ASIC2: variants seen among roughly 807,000 people sequenced by gnomAD.
ASIC2 encodes the protein acid sensing ion channel subunit 2, also known as acid-sensing ion channel 2.
Under a neutral mutation model 57.3 loss-of-function variants are expected in ASIC2, and 25 were observed. The ratio of observed to expected loss-of-function variants is 0.44; its 90% CI spans 0.32 to 0.61. The LOEUF (loss-of-function observed/expected upper bound fraction) is 0.61. Among genes scored for constraint, ASIC2 ranks in the 20% least tolerant of loss-of-function variants. The pLI, the probability that ASIC2 is intolerant of heterozygous loss-of-function variation, is 0.06. For synonymous variants in ASIC2, 319 were observed against 307.5 expected (o/e 1.04, Z -0.39); for missense variants, 641 against 738.1 (o/e 0.87, Z 1.52).
chr17:33,414,838 G>T (rs941451270), intron 1 of ASIC2, among the ~76,000 whole-genome samples: 10 of 152,252 alleles, frequency 6.6e-5, no homozygotes, highest in South Asian at 2.1e-4. Flanking sequence ...GATCAAACAG[G>T]TTCCAAAAAG....
At position 33,144,908 on chromosome 17, in the gene ASIC2, C is replaced by A. The variant is rs146103426; in HGVS notation, c.709-32841G>T. On this transcript the variant is annotated intron_variant, in intron 1 of 9. Transcript: ENST00000225823. ...AATCCGATCTGAGTCATTGCTCCTT[C>A]ATTTTCATTGGCCTGGAAGCTCCAT... is the stretch of plus-strand genomic sequence containing the variant. Among the ~76,000 whole-genome samples, 1,359 of 152,322 alleles carry A rather than the reference C, an allele frequency of 8.9e-3. 8 individuals carry two copies. Among genetic ancestry groups the A allele is most frequent in the Non-Finnish European group, 0.015 (993 of 68,030 alleles).
intron 1 of ASIC2, among the ~76,000 whole-genome samples, chr17:33,938,833 T>C (rs1453713220): frequency 6.6e-6 from 1 of 152,212 alleles, no homozygotes; most frequent in Non-Finnish European, 1.5e-5. Context: ...TCAGTGACTC[T>C]GGGAGGCTGG....
rs774052941 is a variant in ASIC2 at position 34,135,944 on chromosome 17, G to A, written c.555+20034C>T. Among the ~76,000 whole-genome samples, 42 of 152,082 alleles carry A rather than the reference G, an allele frequency of 2.8e-4. 2 individuals carry two copies. In the Middle Eastern group the frequency reaches 0.01, roughly 37 times the overall value. ...TGCTCAATAGCTCCCTATTGCCTGC[G>A]TCAATCAAAAAACAATTATAAGCAC... is the stretch of plus-strand genomic sequence containing the variant. On this transcript the variant is annotated intron_variant, in intron 1 of 9. Transcript: ENST00000359872.
chr17:33,271,304 AT>A (rs1320600335), intron 1 of ASIC2, among the ~76,000 whole-genome samples: 1 of 152,078 alleles, frequency 6.6e-6, no homozygotes, highest in Admixed American at 6.5e-5. Context: ...CACTTATGCG[AT>A]CCCACCCAGT....
intron 3 of ASIC2, among the ~76,000 whole-genome samples, chr17:33,064,786 G>T (rs2141943470): frequency 6.6e-6 from 1 of 152,334 alleles, no homozygotes; most frequent in South Asian, 2.1e-4. Flanking sequence ...GACTGGAGTT[G>T]TTCCTATTCG....
At chr17:34,040,833 AC>A (rs1367659847) in intron 1 of ASIC2, among the ~76,000 whole-genome samples, 2 of 152,240 alleles carry the variant, frequency 1.3e-5, no homozygotes, top group African/African-American at 4.8e-5. Context: ...AACTACAGTA[AC>A]AAAATATAAT....
intron 1 of ASIC2, among the ~76,000 whole-genome samples, chr17:33,670,176 A>G (rs1016299946): frequency 6.6e-6 from 1 of 152,156 alleles, no homozygotes; most frequent in African/African-American, 2.4e-5. Flanking sequence ...TGTCCAGCAG[A>G]GATTGAAAAC....
At chr17:33,417,126 C>G (rs1403946432) in intron 1 of ASIC2, among the ~76,000 whole-genome samples, 1 of 152,156 alleles carries the variant, frequency 6.6e-6, no homozygotes, top group Non-Finnish European at 1.5e-5. Flanking sequence ...GCAGACAGGC[C>G]TCGAACACAC....
chr17:34,135,656 G>A (rs114631567), intron 1 of ASIC2, among the ~76,000 whole-genome samples: 4,687 of 152,120 alleles, frequency 0.031, 225 homozygotes, highest in African/African-American at 0.11. Flanking sequence ...ACAGGATGAT[G>A]AAGTTTCCCA....
At chr17:33,465,430 T>C (rs1201248120) in intron 1 of ASIC2, among the ~76,000 whole-genome samples, 1 of 143,738 alleles carries the variant, frequency 7.0e-6, no homozygotes, top group Non-Finnish European at 1.5e-5. Context: ...TGGAGTACAG[T>C]GGCATGATCT....
chr17:33,865,765 A>T (rs1190737711), intron 1 of ASIC2, among the ~76,000 whole-genome samples: 1 of 80,008 alleles, frequency 1.2e-5, no homozygotes, highest in African/African-American at 5.0e-5. Flanking sequence ...AAAATAAAAA[A>T]AAAAAACAAA....
At chr17:34,076,501 CCT>C (rs1202056820) in intron 1 of ASIC2, among the ~76,000 whole-genome samples, 3 of 152,288 alleles carry the variant, frequency 2.0e-5, no homozygotes, top group Non-Finnish European at 4.4e-5. Flanking sequence ...TTATGGCCAG[CCT>C]CTCTCTGCTG....
intron 1 of ASIC2, among the ~76,000 whole-genome samples, chr17:33,172,646 T>C (rs1392418850): frequency 6.6e-6 from 1 of 152,184 alleles, no homozygotes; most frequent in Non-Finnish European, 1.5e-5. Context: ...TGCACGGAAC[T>C]TCAGAGTTCA....
chr17:33,311,959 AAGC>A (rs1906443301), intron 1 of ASIC2, among the ~76,000 whole-genome samples: 1 of 152,142 alleles, frequency 6.6e-6, no homozygotes, highest in African/African-American at 2.4e-5. Flanking sequence ...TGAAATACTA[AAGC>A]AGTCTTTTCA....
intron 1 of ASIC2, among the ~76,000 whole-genome samples, chr17:33,965,613 G>A (rs1285966562): frequency 1.3e-5 from 2 of 152,156 alleles, no homozygotes; most frequent in Admixed American, 6.5e-5. Flanking sequence ...TCCCTTGCTC[G>A]TGAAATAGGT....
chr17:33,473,789 T>C (rs1371872069), intron 1 of ASIC2, among the ~76,000 whole-genome samples: 1 of 152,156 alleles, frequency 6.6e-6, no homozygotes, highest in African/African-American at 2.4e-5. Context: ...ACATTTTTTC[T>C]TTCTCCAGAT....
intron 1 of ASIC2, among the ~76,000 whole-genome samples, chr17:33,579,275 A>C (rs935483696): frequency 1.5e-5 from 2 of 131,970 alleles, no homozygotes; most frequent in Non-Finnish European, 3.1e-5. Flanking sequence ...AGCACGAATG[A>C]AACTGTGTCT....
rs138602506 is a variant in ASIC2, at chr17:33,551,968, G to A, written c.556-439901C>T. Reference sequence around the variant, plus strand: ...GTGAGAAATGAGATGTGTTGTCTGTGATGGGGGAAGATTGAGAAACTGAAT... The same window carrying A: ...GTGAGAAATGAGATGTGTTGTCTGTAATGGGGGAAGATTGAGAAACTGAAT... On this transcript the variant is annotated intron_variant, in intron 1 of 9. Coordinates refer to the ASIC2 transcript ENST00000359872. 3.3e-5 allele frequency among the ~76,000 whole-genome samples: 5 copies of A among 152,332 alleles called. 1 individual carries two copies. Among genetic ancestry groups the A allele is most frequent in the South Asian group, 2.1e-4 (1 of 4,830 alleles).
At chr17:33,639,291 C>T (rs749787038) in intron 1 of ASIC2, among the ~76,000 whole-genome samples, 1 of 152,080 alleles carries the variant, frequency 6.6e-6, no homozygotes, top group Non-Finnish European at 1.5e-5. Flanking sequence ...GAAATGTGAC[C>T]AGACAAAGAG....
Sources: allele counts gnomAD v4.1 joint callset (sites outside exome capture counted in the v4.1 genomes callset), GRCh38; gene constraint gnomAD v4.1.1; transcripts MANE v1.5; gene names NCBI Gene and HGNC (gene_info 2026-07-23, HGNC 2026-07-21).